WDR5: variants seen among roughly 807,000 people sequenced by gnomAD.
The protein encoded by WDR5 is WD repeat domain 5.
For missense variants in WDR5, 187 were observed against 416.9 expected (o/e 0.45, Z 4.80); for synonymous variants, 144 against 161.6 (o/e 0.89, Z 0.83).
intron 9 of WDR5, 36 bp downstream of exon 9, chr9:134,152,065 G>A (rs1255054027): frequency 1.9e-6 from 3 of 1,609,652 alleles, no homozygotes; most frequent in Non-Finnish European, 2.5e-6. Context: ...GGGTCTGTGG[G>A]GAGGGCCTCC....
intron 7 of WDR5, among the ~76,000 whole-genome samples, chr9:134,147,487 G>C (rs923740992): frequency 1.3e-5 from 2 of 152,162 alleles, no homozygotes; most frequent in African/African-American, 2.4e-5. Flanking sequence ...CAAAGGACAA[G>C]GTTGCCACTG....
chr9:134,144,959 G>C (rs907972077), intron 7 of WDR5, among the ~76,000 whole-genome samples: 1 of 152,042 alleles, frequency 6.6e-6, no homozygotes, highest in Non-Finnish European at 1.5e-5. Context: ...GCTTTTTTAG[G>C]TGCATATTTT....
intron 3 of WDR5, 59 bp downstream of exon 3, chr9:134,140,870 GC>G (rs1281509659): frequency 9.2e-6 from 14 of 1,526,648 alleles, no homozygotes; most frequent in Non-Finnish European, 1.2e-5. Flanking sequence ...CAGACAAAAA[GC>G]TGGCGAGGGG....
chr9:134,141,064 A>G (rs981993689), intron 3 of WDR5, among the ~76,000 whole-genome samples: 2 of 152,172 alleles, frequency 1.3e-5, no homozygotes, highest in African/African-American at 4.8e-5. Context: ...CAGGCGGATC[A>G]CGAGGTCAGG....
chr9:134,151,462 C>T (rs759298567), intron 8 of WDR5, among the ~76,000 whole-genome samples: 4 of 152,144 alleles, frequency 2.6e-5, no homozygotes, highest in Non-Finnish European at 5.9e-5. Flanking sequence ...TTCCAGAATG[C>T]GTCTGTATTG....
At chr9:134,141,839 C>A in intron 4 of WDR5, 110 bp from the exon 5 acceptor site, 1 of 1,133,230 alleles carries the variant, frequency 8.8e-7, no homozygotes, top group Non-Finnish European at 1.3e-6. Context: ...GTAAGGTTAA[C>A]ACTAGTGAGA....
intron 2 of WDR5, 77 bp from the exon 3 acceptor site, chr9:134,140,626 T>A (rs746089061): frequency 8.8e-5 from 103 of 1,169,002 alleles, no homozygotes; most frequent in Non-Finnish European, 1.3e-4. Flanking sequence ...AATTAAATGG[T>A]GGGAGTCAAA....
intron 8 of WDR5, among the ~76,000 whole-genome samples, chr9:134,148,562 C>A (rs1256513508): frequency 6.6e-6 from 1 of 151,688 alleles, no homozygotes; most frequent in Non-Finnish European, 1.5e-5. Flanking sequence ...GGAAGATGTC[C>A]TTGTTGTTAG....
rs1041376300 is a variant in WDR5, at chr9:134,159,569, C to T, written c.*1576C>T. 1 of 152,244 alleles carries T rather than the reference C, an allele frequency of 6.6e-6. No homozygotes were observed. Among genetic ancestry groups the T allele is most frequent in the African/African-American group, 2.4e-5 (1 of 41,442 alleles). The allele number at this position is 152,244 out of a possible 1,614,324, so 9.4% of individuals were successfully genotyped here. A position where few individuals can be genotyped will look rare whatever the true frequency, so the allele number is the denominator to read the frequency against. On this transcript the variant is annotated 3_prime_UTR_variant, in exon 14 of 14. Coordinates refer to ENST00000358625, the MANE Select transcript of WDR5 (RefSeq NM_017588.3). This position sits in a 1 kb window ranked among gnomAD's most constrained non-coding sequence, Gnocchi z 4.3. ...GTGGCAGGGGTGAGGAGGGGATTAT[C>T]TGAGGCATCTGGAGATGTATATCCT...
At position 134,144,051 on chromosome 9, in the gene WDR5, G is replaced by A. The variant is rs58791470; in HGVS notation, c.528+1332G>A. ...GCCTTTCACTTTGTGCCATCTTGGC[G>A]GTGAATGGGTTTAAGCATTTTTACC... On this transcript the variant is annotated intron_variant, in intron 7 of 13. Transcript: ENST00000358625. Among the ~76,000 whole-genome samples the A allele has an allele frequency of 7.6e-3, 1,165 of 152,330 alleles. 9 individuals carry two copies. The highest frequency in any genetic ancestry group is 0.027 in the African/African-American group (1,116 of 41,586).
rs202088090 is a variant in WDR5, at chr9:134,141,602, C to T, written c.264+19C>T. The T allele has an allele frequency of 7.4e-6, 12 of 1,613,544 alleles. No homozygotes were observed. Among genetic ancestry groups the T allele is most frequent in the Admixed American group, 1.7e-5 (1 of 59,998 alleles). ...CAAGCTGGTAGGTTTCAGCCCTGTG[C>T]GGTGAAGTTGACTGTTGAACAGGGT... On this transcript the variant is annotated intron_variant, in intron 4 of 13. Coordinates refer to ENST00000358625, the MANE Select transcript of WDR5 (RefSeq NM_017588.3).
intron 8 of WDR5, among the ~76,000 whole-genome samples, chr9:134,151,420 AG>A (rs532702013): frequency 4.4e-4 from 67 of 152,298 alleles, no homozygotes; most frequent in African/African-American, 1.6e-3. Context: ...TCTGTGCAGT[AG>A]AATTGTGGGT....
At chr9:134,152,109 C>A in intron 9 of WDR5, 80 bp downstream of exon 9, 1 of 1,480,810 alleles carries the variant, frequency 6.8e-7, no homozygotes. Flanking sequence ...TCTTCACCAG[C>A]TCCTCCTCCC....
chr9:134,149,640 A>G (rs961379267), intron 8 of WDR5, among the ~76,000 whole-genome samples: 2 of 152,230 alleles, frequency 1.3e-5, no homozygotes, highest in Non-Finnish European at 2.9e-5. Context: ...GGCTCTAAGA[A>G]CTTTCTAAAG....
In WDR5 at chr9:134,156,541, C is replaced by T. The variant is rs1444702894; in HGVS notation, c.852C>T (p.Tyr284=). ...IVSGSEDNLV[Y]IWNLQTKEIV... ...CTGGCTCAGAGGATAACCTTGTTTACATCTGGAACCTTCAGACGAAAGAGA... is the reference window on the plus strand; with the variant it reads ...CTGGCTCAGAGGATAACCTTGTTTATATCTGGAACCTTCAGACGAAAGAGA... Residue 284 remains tyrosine (Y), a synonymous_variant, in exon 13 of 14, where the codon TAC becomes TAT. Transcript: ENST00000358625. 2 of 1,614,232 alleles carry T rather than the reference C, an allele frequency of 1.2e-6. No homozygotes were observed. Among genetic ancestry groups the T allele is most frequent in the South Asian group, 2.2e-5 (2 of 91,086 alleles).
intron 7 of WDR5, among the ~76,000 whole-genome samples, chr9:134,146,553 C>T (rs539167753): frequency 2.0e-5 from 3 of 152,242 alleles, no homozygotes; most frequent in Admixed American, 6.5e-5. Flanking sequence ...TCTACCTCCT[C>T]GAAGTTAACT....
chr9:134,157,752 A>G lies in WDR5; in HGVS notation c.905-141A>G. ...TGGGCTCCCTGTGTCGAAGGTGGGCAGTGGGTGCTTGTCCTGTGACCTCCC... is the reference window on the plus strand; with the variant it reads ...TGGGCTCCCTGTGTCGAAGGTGGGCGGTGGGTGCTTGTCCTGTGACCTCCC... On this transcript the variant is annotated intron_variant, in intron 13 of 13. Transcript: ENST00000358625. This position sits in a 1 kb window ranked among gnomAD's most constrained non-coding sequence, Gnocchi z 5.0. 3 of 676,970 alleles carry G rather than the reference A, an allele frequency of 4.4e-6. No homozygotes were observed. Among genetic ancestry groups the G allele is most frequent in the Non-Finnish European group, 5.1e-6 (2 of 393,986 alleles). 41.9% of individuals were successfully genotyped at this position (676,970 alleles called of 1,614,324 possible).
intron 7 of WDR5, among the ~76,000 whole-genome samples, chr9:134,143,373 T>A (rs1174499246): frequency 1.3e-5 from 2 of 152,124 alleles, no homozygotes; most frequent in Admixed American, 1.3e-4. Context: ...AAACCCCGTC[T>A]CTACTAAAAA....
intron 1 of WDR5, among the ~76,000 whole-genome samples, chr9:134,136,701 G>A (rs1357638944): frequency 6.6e-6 from 1 of 152,154 alleles, no homozygotes. Flanking sequence ...GCGGGTCCTC[G>A]GTCCTGAACG....
Sources: allele counts gnomAD v4.1 joint callset (sites outside exome capture counted in the v4.1 genomes callset), GRCh38; gene constraint gnomAD v4.1.1; non-coding constraint Gnocchi (gnomAD v3.1); transcripts MANE v1.5; gene names NCBI Gene and HGNC (gene_info 2026-07-23, HGNC 2026-07-21).